MAGI1: variants seen among roughly 807,000 people sequenced by gnomAD.
MAGI1 encodes membrane-associated guanylate kinase, WW and PDZ domain-containing protein 1.
A neutral mutation model predicts 139.9 loss-of-function variants in MAGI1; 58 were observed. The observed-to-expected ratio is 0.41, with a 90% CI of 0.34 to 0.52. MAGI1 has a LOEUF of 0.52. Ranked by LOEUF, MAGI1 falls within the 20% of genes least tolerant of loss-of-function variation. The pLI is 0.12. For synonymous variants in MAGI1, 812 were observed against 737.9 expected, an observed-to-expected ratio of 1.10 and a Z score of -1.63; for missense variants, 1,874 against 1,901.6, an observed-to-expected ratio of 0.99 and a Z score of 0.27.
intron 1 of MAGI1, among the ~76,000 whole-genome samples, chr3:66,003,386 T>C (rs1458865147): frequency 6.6e-6 from 1 of 152,028 alleles, no homozygotes; most frequent in East Asian, 2.0e-4. Flanking sequence ...ACATGCACGG[T>C]GGCTCATGCC....
intron 22 of MAGI1, chr3:65,360,116 T>G (rs1314966190): frequency 4.1e-6 from 4 of 985,378 alleles, no homozygotes; most frequent in African/African-American, 1.7e-5. Flanking sequence ...CTGGGAAGGC[T>G]GGCCCTCCAA....
At chr3:65,686,807 T>C (rs1395617962) in intron 1 of MAGI1, among the ~76,000 whole-genome samples, 1 of 152,250 alleles carries the variant, frequency 6.6e-6, no homozygotes, top group Non-Finnish European at 1.5e-5. Context: ...TTTTTTATAG[T>C]TTTAATACAC....
At chr3:65,885,458 AG>A (rs2060493106) in intron 1 of MAGI1, among the ~76,000 whole-genome samples, 2 of 152,066 alleles carry the variant, frequency 1.3e-5, no homozygotes, top group South Asian at 4.1e-4. Context: ...AAGTATAATG[AG>A]GGGGAAAAAC....
intron 1 of MAGI1, among the ~76,000 whole-genome samples, chr3:65,967,144 G>A (rs542355984): frequency 1.3e-5 from 2 of 152,146 alleles, no homozygotes; most frequent in South Asian, 4.2e-4. Context: ...CCATACCATG[G>A]TGCCTTTGAA....
At chr3:65,769,542 A>G (rs956135198) in intron 1 of MAGI1, among the ~76,000 whole-genome samples, 33 of 152,326 alleles carry the variant, frequency 2.2e-4, no homozygotes, top group African/African-American at 7.2e-4. Flanking sequence ...AAAGCCTCCT[A>G]GAAATAAACA....
chr3:66,008,240 G>C (rs1328113994), intron 1 of MAGI1, among the ~76,000 whole-genome samples: 1 of 152,190 alleles, frequency 6.6e-6, no homozygotes, highest in East Asian at 1.9e-4. Context: ...CATAGGACCA[G>C]CATCAGCATC....
intron 2 of MAGI1, among the ~76,000 whole-genome samples, chr3:65,600,185 AT>A: frequency 6.6e-6 from 1 of 152,338 alleles, no homozygotes; most frequent in Admixed American, 6.5e-5. Context: ...TACAAATTAA[AT>A]TGCTCTTTTG....
intron 1 of MAGI1, among the ~76,000 whole-genome samples, chr3:65,937,271 T>A (rs928930819): frequency 1.6e-5 from 2 of 124,808 alleles, no homozygotes; most frequent in Non-Finnish European, 3.3e-5. Context: ...TGCAGCCTAT[T>A]TGCAGACCTC....
intron 2 of MAGI1, among the ~76,000 whole-genome samples, chr3:65,515,300 A>AC: frequency 6.6e-6 from 1 of 152,180 alleles, no homozygotes; most frequent in East Asian, 1.9e-4. Context: ...CCTAAAACTT[A>AC]AAGTATAAAA....
chr3:65,930,149 T>C (rs1457659142), intron 1 of MAGI1, among the ~76,000 whole-genome samples: 1 of 151,564 alleles, frequency 6.6e-6, no homozygotes, highest in Non-Finnish European at 1.5e-5. Flanking sequence ...ACCCTGTCTC[T>C]ACTGAAAATA....
chr3:65,422,237 T>C (rs12496810), intron 12 of MAGI1, among the ~76,000 whole-genome samples: 22,278 of 152,222 alleles, frequency 0.15, 1,842 homozygotes, highest in Middle Eastern at 0.2. Flanking sequence ...TTACATAATT[T>C]TAATCATGAG....
chr3:65,921,872 C>T (rs536049338), intron 1 of MAGI1, among the ~76,000 whole-genome samples: 77 of 151,832 alleles, frequency 5.1e-4, no homozygotes, highest in Non-Finnish European at 8.8e-4. Context: ...CGCCACTGCA[C>T]TCCAACCTGG....
In MAGI1 at chr3:65,356,883, C is replaced by T; in HGVS notation, c.3884G>A (p.Arg1295Gln). The T allele has an allele frequency of 6.2e-7, 1 of 1,614,112 alleles. No homozygotes were observed. Among genetic ancestry groups the T allele is most frequent in the South Asian group, 1.1e-5 (1 of 91,082 alleles). The change falls in exon 23 of 23, where the codon CGA becomes CAA. Residue 1295 changes from arginine (R) to glutamine (Q), a missense_variant. By Grantham distance (43) the Arg-to-Gln change is conservative. Coordinates refer to ENST00000402939, the MANE Select transcript of MAGI1 (RefSeq NM_001033057.2). ...TCCCTCCGGCGCCCGGTCCTTGGGT[C>T]GGCATGCCCCGCTGTCGGGTTTCCT... ...TSRKPDSGAC[R>Q]PKDRAPEGRR...
chr3:65,878,278 AGGCCAAGGCG>A (rs2060193993), intron 1 of MAGI1, among the ~76,000 whole-genome samples: 1 of 152,188 alleles, frequency 6.6e-6, no homozygotes, highest in South Asian at 2.1e-4. Context: ...TCACTTTGGG[AGGCCAAGGCG>A]GGCAGATCAC....
At chr3:65,360,219 G>C (rs1012924561) in intron 22 of MAGI1, 2 of 985,328 alleles carry the variant, frequency 2.0e-6, no homozygotes, top group African/African-American at 3.5e-5. Flanking sequence ...TTTCAGAAAA[G>C]AGGGTGATAA....
intron 1 of MAGI1, among the ~76,000 whole-genome samples, chr3:65,852,308 GT>G (rs1331223771): frequency 4.0e-5 from 6 of 151,712 alleles, no homozygotes; most frequent in African/African-American, 1.2e-4. Flanking sequence ...GCCAGCATCA[GT>G]TTTGAGCCTC....
intron 1 of MAGI1, among the ~76,000 whole-genome samples, chr3:65,716,539 C>G (rs1400200771): frequency 6.6e-6 from 1 of 152,182 alleles, no homozygotes; most frequent in Non-Finnish European, 1.5e-5. Context: ...TGGGGAACAG[C>G]AATTCCTTTC....
chr3:65,469,305 C>G (rs1950401582), intron 5 of MAGI1, among the ~76,000 whole-genome samples: 1 of 151,950 alleles, frequency 6.6e-6, no homozygotes, highest in Non-Finnish European at 1.5e-5. Flanking sequence ...ACAGATGAAT[C>G]TGTGGTATTT....
chr3:65,990,541 C>G (rs2066117155), intron 1 of MAGI1, among the ~76,000 whole-genome samples: 1 of 152,154 alleles, frequency 6.6e-6, no homozygotes, highest in South Asian at 2.1e-4. Context: ...ATTTCAGTTC[C>G]TGCTATGGCA....
Sources: gnomAD v4.1 joint callset for allele counts (sites outside exome capture counted in the v4.1 genomes callset) on GRCh38, gnomAD v4.1.1 for gene constraint, MANE v1.5 for transcripts, NCBI Gene and HGNC (gene_info 2026-07-23, HGNC 2026-07-21) for gene names.